DENND1A: variants seen among roughly 807,000 people sequenced by gnomAD.
The protein encoded by DENND1A is DENN domain containing 1A.
Under a neutral mutation model 113.7 loss-of-function variants are expected in DENND1A, and 51 were observed. The observed-to-expected ratio is 0.45, with a 90% CI of 0.36 to 0.57. The LOEUF (loss-of-function observed/expected upper bound fraction) is 0.57, where lower values mean the gene tolerates loss of function less well. Ranked by LOEUF, DENND1A falls within the 20% of genes least tolerant of loss-of-function variation. DENND1A has a pLI of 0.00. For synonymous variants in DENND1A, 565 were observed against 570.8 expected (o/e 0.99, Z 0.14); for missense variants, 1,258 against 1,395.9 (o/e 0.90, Z 1.57).
chr9:123,760,126 A>C (rs915599820), intron 4 of DENND1A, among the ~76,000 whole-genome samples: 3 of 152,240 alleles, frequency 2.0e-5, no homozygotes, highest in Non-Finnish European at 4.4e-5. Flanking sequence ...TATTTTACAA[A>C]GTGTATTCAA....
intron 11 of DENND1A, among the ~76,000 whole-genome samples, chr9:123,608,197 A>G (rs2060257395): frequency 6.6e-6 from 1 of 152,238 alleles, no homozygotes; most frequent in Non-Finnish European, 1.5e-5. Context: ...CTGTCAAATT[A>G]GAAATTTGAG....
At chr9:123,622,974 C>A (rs2061029379) in intron 10 of DENND1A, among the ~76,000 whole-genome samples, 1 of 152,190 alleles carries the variant, frequency 6.6e-6, no homozygotes, top group South Asian at 2.1e-4. Flanking sequence ...AGGAATGGCA[C>A]AGATCTAAAG....
intron 2 of DENND1A, among the ~76,000 whole-genome samples, chr9:123,860,307 G>A (rs1404202120): frequency 1.3e-5 from 2 of 152,090 alleles, no homozygotes; most frequent in Non-Finnish European, 2.9e-5. Context: ...ATAGTATAAT[G>A]ACTATTCTTA....
chr9:123,797,402 T>A (rs1395728833), intron 2 of DENND1A, among the ~76,000 whole-genome samples: 2 of 152,184 alleles, frequency 1.3e-5, no homozygotes, highest in Non-Finnish European at 2.9e-5. Context: ...AAATGCAGAC[T>A]TTCAGAAAAT....
intron 2 of DENND1A, among the ~76,000 whole-genome samples, chr9:123,876,073 G>A: frequency 6.6e-6 from 1 of 152,184 alleles, no homozygotes; most frequent in Non-Finnish European, 1.5e-5. Flanking sequence ...TCTGCTTACT[G>A]GATGCACTGA....
intron 3 of DENND1A, among the ~76,000 whole-genome samples, chr9:123,780,808 G>A (rs766441752): frequency 2.6e-5 from 4 of 152,156 alleles, no homozygotes; most frequent in East Asian, 1.9e-4. Flanking sequence ...TTCTTGGGGC[G>A]GCTGTGGGTG....
In DENND1A at chr9:123,844,319, C is replaced by G. The variant is rs972994772; in HGVS notation, c.88+34632G>C. 3.9e-5 allele frequency among the ~76,000 whole-genome samples: 6 copies of G among 151,998 alleles called. No homozygotes were observed. In the East Asian group the frequency reaches 1.2e-3, roughly 29 times the overall value. ...TTACATACTCTTACACAAAGAAAAT[C>G]CTAAGAAATTCACTAAAAACCTATT... On this transcript the variant is annotated intron_variant, in intron 2 of 23. Transcript: ENST00000394215.
At chr9:123,635,379 A>G (rs1273227836) in intron 9 of DENND1A, among the ~76,000 whole-genome samples, 1 of 152,252 alleles carries the variant, frequency 6.6e-6, no homozygotes, top group Admixed American at 6.5e-5. Flanking sequence ...GCCCAAGGCC[A>G]CATCGACAGT....
At chr9:123,432,401 A>C (rs886636624) in intron 19 of DENND1A, among the ~76,000 whole-genome samples, 1 of 152,206 alleles carries the variant, frequency 6.6e-6, no homozygotes, top group African/African-American at 2.4e-5. Context: ...ATTAGGGGCC[A>C]CGCTGCTCTT....
At chr9:123,851,516 G>T (rs776103127) in intron 2 of DENND1A, among the ~76,000 whole-genome samples, 5 of 152,200 alleles carry the variant, frequency 3.3e-5, no homozygotes, top group Non-Finnish European at 7.3e-5. Flanking sequence ...AGCTAAGGGG[G>T]TGATTTTAAA....
At chr9:123,881,500 C>T (rs775800251) in intron 1 of DENND1A, among the ~76,000 whole-genome samples, 7 of 152,172 alleles carry the variant, frequency 4.6e-5, no homozygotes, top group Non-Finnish European at 1.0e-4. Context: ...GAATTTCATT[C>T]CTTTGGATTA....
intron 9 of DENND1A, among the ~76,000 whole-genome samples, chr9:123,642,334 A>C (rs1055074121): frequency 6.6e-6 from 1 of 152,242 alleles, no homozygotes; most frequent in Non-Finnish European, 1.5e-5. Context: ...AACAGTTTTA[A>C]ATATTCTCTG....
rs554128035 is a variant in DENND1A at position 123,482,673 on chromosome 9, C to A, written c.994-24776G>T. Among the ~76,000 whole-genome samples, 5 of 152,328 alleles carry A rather than the reference C, an allele frequency of 3.3e-5. No homozygotes were observed. The South Asian group carries it at 1.0e-3, about 32-fold the overall frequency. Reference sequence around the variant, plus strand: ...AAGCAGCCCCATAAAGGAACAATTACCCCCTGGGACAATGGCCTTGAAGCA... The same window carrying A: ...AAGCAGCCCCATAAAGGAACAATTAACCCCTGGGACAATGGCCTTGAAGCA... On this transcript the variant is annotated intron_variant, in intron 13 of 23. Transcript: ENST00000394215.
chr9:123,691,540 ATT>A (rs59588397), intron 5 of DENND1A, among the ~76,000 whole-genome samples: 19 of 140,752 alleles, frequency 1.3e-4, no homozygotes, highest in Middle Eastern at 3.7e-3. Flanking sequence ...TCTTTGTGTG[ATT>A]TTTTTTTTTT....
At chr9:123,509,760 C>T (rs1416216872) in intron 13 of DENND1A, among the ~76,000 whole-genome samples, 1 of 152,162 alleles carries the variant, frequency 6.6e-6, no homozygotes, top group Admixed American at 6.5e-5. Flanking sequence ...ACTTGGAGGA[C>T]CCACATGTTT....
At chr9:123,892,809 C>T (rs1850120861) in intron 1 of DENND1A, among the ~76,000 whole-genome samples, 1 of 152,140 alleles carries the variant, frequency 6.6e-6, no homozygotes, top group South Asian at 2.1e-4. Context: ...TGGTGAAACC[C>T]TGTCTCTACT....
intron 13 of DENND1A, among the ~76,000 whole-genome samples, chr9:123,470,800 T>C (rs72755190): frequency 0.038 from 5,809 of 152,300 alleles, 151 homozygotes; most frequent in Non-Finnish European, 0.06. Context: ...ACTGTCCACA[T>C]GATTAATTGT....
chr9:123,874,503 G>A (rs1259828407), intron 2 of DENND1A, among the ~76,000 whole-genome samples: 1 of 152,104 alleles, frequency 6.6e-6, no homozygotes, highest in Non-Finnish European at 1.5e-5. Flanking sequence ...TACTAAGGAG[G>A]CTAGTACCAT....
chr9:123,640,380 G>T (rs1189712107), intron 9 of DENND1A, among the ~76,000 whole-genome samples: 7 of 152,156 alleles, frequency 4.6e-5, no homozygotes, highest in African/African-American at 1.7e-4. Flanking sequence ...AGGGGGTAAG[G>T]GTGGGTCAAG....
Sources: gnomAD v4.1 joint callset for allele counts (sites outside exome capture counted in the v4.1 genomes callset) on GRCh38, gnomAD v4.1.1 for gene constraint, MANE v1.5 for transcripts, NCBI Gene and HGNC (gene_info 2026-07-23, HGNC 2026-07-21) for gene names.